Variants in UNC13C observed in about 807,000 individuals in gnomAD.
The protein encoded by UNC13C is unc-13 homolog C.
UNC13C carries 174 observed loss-of-function variants against 245.4 expected under a neutral mutation model. The ratio of observed to expected loss-of-function variants is 0.71; its 90% CI spans 0.63 to 0.80. The LOEUF is 0.80. UNC13C is among the 30% of genes least tolerant of loss of function. UNC13C has a pLI of 0.00. For missense variants in UNC13C, 2,829 were observed against 2,602.9 expected, an observed-to-expected ratio of 1.09 and a Z score of -1.89; for synonymous variants, 992 against 895.1, an observed-to-expected ratio of 1.11 and a Z score of -1.93.
chr15:54,024,988 T>C (rs1052002798), intron 2 of UNC13C, among the ~76,000 whole-genome samples: 5 of 152,292 alleles, frequency 3.3e-5, no homozygotes, highest in Middle Eastern at 3.4e-3. Flanking sequence ...CAAACTTGAT[T>C]TACTGACTCT....
At chr15:53,842,972 TAAAG>T in the UNC13C span, among the ~76,000 whole-genome samples, 2 of 150,732 alleles carry the variant, frequency 1.3e-5, no homozygotes, top group East Asian at 3.9e-4. Flanking sequence ...AAAATTAAAA[TAAAG>T]AACAGAGAAA....
chr15:54,432,957 C>G (rs1173860338), intron 19 of UNC13C, among the ~76,000 whole-genome samples: 1 of 152,022 alleles, frequency 6.6e-6, no homozygotes, highest in Non-Finnish European at 1.5e-5. Flanking sequence ...TCAGAGAATG[C>G]TATAAACACC....
At chr15:54,100,105 C>A (rs1342725993) in intron 2 of UNC13C, among the ~76,000 whole-genome samples, 5 of 111,878 alleles carry the variant, frequency 4.5e-5, no homozygotes, top group African/African-American at 1.8e-4. Flanking sequence ...TACTCTGTCT[C>A]AAAAAAAAAA....
At chr15:54,323,365 C>T (rs372861445) in intron 14 of UNC13C, among the ~76,000 whole-genome samples, 5 of 152,090 alleles carry the variant, frequency 3.3e-5, no homozygotes, top group African/African-American at 9.6e-5. Context: ...GTAAAGGAGA[C>T]TACTCTTTGG....
At chr15:53,882,305 T>C in the UNC13C span, among the ~76,000 whole-genome samples, 1 of 152,214 alleles carries the variant, frequency 6.6e-6, no homozygotes, top group South Asian at 2.1e-4. Context: ...TATACAAATA[T>C]AATATCTTTG....
chr15:54,120,231 T>C (rs752967394), intron 2 of UNC13C, among the ~76,000 whole-genome samples: 12 of 152,138 alleles, frequency 7.9e-5, no homozygotes, highest in Non-Finnish European at 1.2e-4. Flanking sequence ...GATTCTCTTA[T>C]TAGGAGTTAA....
At chr15:54,320,705 CT>C (rs1483172265) in intron 13 of UNC13C, 2 of 371,258 alleles carry the variant, frequency 5.4e-6, no homozygotes, top group Admixed American at 6.0e-5. Context: ...TCCTGCTAAA[CT>C]TTGTTTCCTG....
At chr15:53,890,798 C>T in the UNC13C span, among the ~76,000 whole-genome samples, 3 of 151,310 alleles carry the variant, frequency 2.0e-5, no homozygotes, top group African/African-American at 7.3e-5. Context: ...TATTTTTTGA[C>T]CTTTTAAAAA....
rs1240223046 is a variant in UNC13C at position 54,143,297 on chromosome 15, T to C, written c.3006+257T>C. Among the ~76,000 whole-genome samples, 4 of 152,188 alleles carry C rather than the reference T, an allele frequency of 2.6e-5. No individual in the cohort carries two copies. In the East Asian group the frequency reaches 7.7e-4, roughly 29 times the overall value. On this transcript the variant is annotated intron_variant, in intron 3 of 32. Transcript: ENST00000260323. ...CTGCTACTGTCAAACACAGCATCTT[T>C]TCTTAAGTCTGGCTAATCATGACCT...
intron 20 of UNC13C, among the ~76,000 whole-genome samples, chr15:54,498,972 T>C (rs974271293): frequency 2.6e-5 from 4 of 152,160 alleles, no homozygotes; most frequent in Middle Eastern, 3.2e-3. Flanking sequence ...GGTTAGCTAA[T>C]AAAGTAGAGT....
At chr15:53,947,211 A>G in the UNC13C span, among the ~76,000 whole-genome samples, 2 of 152,142 alleles carry the variant, frequency 1.3e-5, no homozygotes, top group African/African-American at 4.8e-5. Context: ...TATTTCCTGA[A>G]TTTTCCAATA....
chr15:54,208,912 C>T (rs12438345), intron 4 of UNC13C, among the ~76,000 whole-genome samples: 29,602 of 152,050 alleles, frequency 0.19, 3,102 homozygotes, highest in East Asian at 0.24. Context: ...GCCAAAATGA[C>T]GCAAGAACCC....
At chr15:54,104,981 C>CA (rs1900361331) in intron 2 of UNC13C, among the ~76,000 whole-genome samples, 1 of 152,110 alleles carries the variant, frequency 6.6e-6, no homozygotes, top group African/African-American at 2.4e-5. Flanking sequence ...CTGCCAATGT[C>CA]ACTTTCTGGA....
chr15:54,439,295 G>A lies in UNC13C; in HGVS notation c.4933+24228G>A, dbSNP rs554432641. Among the ~76,000 whole-genome samples the A allele has an allele frequency of 7.3e-4, 111 of 152,060 alleles. 3 individuals carry two copies. The South Asian group carries it at 0.022, about 30-fold the overall frequency. ...GAAAGTGCCATTTATGTGTAGGTGTGTTACTACTCCCAAAAGATCAGTAAG... is the reference window on the plus strand; with the variant it reads ...GAAAGTGCCATTTATGTGTAGGTGTATTACTACTCCCAAAAGATCAGTAAG... On this transcript the variant is annotated intron_variant, in intron 19 of 32. Coordinates refer to ENST00000260323, the MANE Select transcript of UNC13C (RefSeq NM_001080534.3).
intron 4 of UNC13C, among the ~76,000 whole-genome samples, chr15:54,193,689 A>C (rs1567085789): frequency 6.6e-6 from 1 of 152,172 alleles, no homozygotes; most frequent in Non-Finnish European, 1.5e-5. Flanking sequence ...TTTTACTGAT[A>C]AGAGATTGAG....
At chr15:53,947,225 C>A in the UNC13C span, among the ~76,000 whole-genome samples, 2 of 152,060 alleles carry the variant, frequency 1.3e-5, no homozygotes, top group African/African-American at 4.8e-5. Context: ...TCCAATAAGG[C>A]CTAAGAAAAA....
chr15:54,327,019 G>T (rs1479402462), intron 14 of UNC13C, among the ~76,000 whole-genome samples: 1 of 151,970 alleles, frequency 6.6e-6, no homozygotes, highest in Non-Finnish European at 1.5e-5. Context: ...GTTATTTGGA[G>T]TCCAGACAAA....
rs114698252 is a variant in UNC13C, at chr15:54,043,692, A to C, written c.2983+27806A>C. On this transcript the variant is annotated intron_variant, in intron 2 of 32. Coordinates refer to ENST00000260323, the MANE Select transcript of UNC13C (RefSeq NM_001080534.3). ...ATTAGTTAATGTGTAGACAACCAGA[A>C]CTTGGGATACCCTATTTTGGGATGA... Among the ~76,000 whole-genome samples, 1,492 of 152,272 alleles carry C rather than the reference A, an allele frequency of 9.8e-3. 36 individuals are homozygous for C. Among genetic ancestry groups the C allele is most frequent in the African/African-American group, 0.035 (1,434 of 41,538 alleles).
chr15:54,324,294 A>G (rs1202882445), intron 14 of UNC13C, among the ~76,000 whole-genome samples: 1 of 152,042 alleles, frequency 6.6e-6, no homozygotes, highest in African/African-American at 2.4e-5. Flanking sequence ...CACATTGACA[A>G]TTATATGCTC....
Sources: gnomAD v4.1 joint callset for allele counts (sites outside exome capture counted in the v4.1 genomes callset) on GRCh38, gnomAD v4.1.1 for gene constraint, MANE v1.5 for transcripts, NCBI Gene and HGNC (gene_info 2026-07-23, HGNC 2026-07-21) for gene names.